The following ARRDC5 variants were observed in gnomAD, a reference collection of about 807,000 sequenced individuals.
The protein encoded by ARRDC5 is arrestin domain containing 5.
In ARRDC5, 12 loss-of-function variants were observed where a neutral mutation model predicts 13.3. That is an observed-to-expected ratio of 0.90 (90% CI 0.58 to 1.46). The LOEUF (loss-of-function observed/expected upper bound fraction) is 1.46, where lower values mean the gene tolerates loss of function less well. Among genes scored for constraint, ARRDC5 ranks in the 40% most tolerant of loss-of-function variants. The pLI is 0.00. For missense variants in ARRDC5, 406 were observed against 418.7 expected, an observed-to-expected ratio of 0.97 and a Z score of 0.26; for synonymous variants, 181 against 173.4, an observed-to-expected ratio of 1.04 and a Z score of -0.34.
intron 2 of ARRDC5, among the ~76,000 whole-genome samples, chr19:4,893,512 A>AAAAG (rs1475062553): frequency 6.6e-6 from 1 of 150,738 alleles, no homozygotes; most frequent in Non-Finnish European, 1.5e-5. Context: ...TCTCAAAAAA[A>AAAAG]AAAAGAAAAG....
upstream of ARRDC5, among the ~76,000 whole-genome samples, chr19:4,907,368 C>T (rs2032085689): frequency 6.6e-6 from 1 of 152,160 alleles, no homozygotes; most frequent in Non-Finnish European, 1.5e-5. Flanking sequence ...TTCCCAGGTT[C>T]AAGCAATTCT....
chr19:4,901,698 G>A (rs2031921220), intron 1 of ARRDC5, among the ~76,000 whole-genome samples: 1 of 152,094 alleles, frequency 6.6e-6, no homozygotes, highest in African/African-American at 2.4e-5. Flanking sequence ...TCAGCCAAGT[G>A]TTGGCCACGT....
chr19:4,907,879 A>T (rs2032101063), upstream of ARRDC5, among the ~76,000 whole-genome samples: 2 of 151,432 alleles, frequency 1.3e-5, 1 homozygote, highest in South Asian at 4.2e-4. Context: ...CGCCAGGCTA[A>T]TTTTGTGTTT....
intron 1 of ARRDC5, among the ~76,000 whole-genome samples, chr19:4,897,557 G>T (rs2031776609): frequency 6.6e-6 from 1 of 151,922 alleles, no homozygotes; most frequent in Admixed American, 6.6e-5. Context: ...TGGCTCTGTT[G>T]CTTAGGCTGC....
At chr19:4,910,950 T>C in the ARRDC5 span, 1 of 1,613,674 alleles carries the variant, frequency 6.2e-7, no homozygotes, top group Non-Finnish European at 8.5e-7. Context: ...CTGTCCAGGC[T>C]GACCAAGGTG....
the ARRDC5 span, among the ~76,000 whole-genome samples, chr19:4,916,648 C>T: frequency 2.6e-5 from 4 of 152,046 alleles, no homozygotes; most frequent in East Asian, 5.8e-4. Context: ...ACGCCACCGC[C>T]GCCCCCTCTT....
At chr19:4,897,591 A>G (rs1165821635) in intron 1 of ARRDC5, among the ~76,000 whole-genome samples, 2 of 152,040 alleles carry the variant, frequency 1.3e-5, no homozygotes, top group East Asian at 1.9e-4. Flanking sequence ...GATCATGGTC[A>G]CTGCAGCCTC....
the ARRDC5 span, among the ~76,000 whole-genome samples, chr19:4,916,133 C>A: frequency 1.7e-3 from 261 of 152,132 alleles, 3 homozygotes; most frequent in African/African-American, 6.0e-3. Context: ...TGTAGCAAGA[C>A]CCCGTCTCTA....
chr19:4,903,537 C>T (rs1256876154), upstream of ARRDC5: 2 of 152,072 alleles, frequency 1.3e-5, no homozygotes, highest in Non-Finnish European at 2.9e-5. Context: ...TGGTCTCACT[C>T]TGTCAGCCAG....
the ARRDC5 span, among the ~76,000 whole-genome samples, chr19:4,912,215 T>C: frequency 1.3e-5 from 2 of 152,168 alleles, no homozygotes; most frequent in African/African-American, 2.4e-5. Context: ...AAGCCGCGTG[T>C]GTGCAGAGAA....
the ARRDC5 span, chr19:4,909,425 G>A: frequency 3.1e-6 from 2 of 651,806 alleles, no homozygotes; most frequent in Non-Finnish European, 5.5e-6. Context: ...CCAATCAGGA[G>A]GCAGGCGCCC....
At chr19:4,907,508 T>C (rs558160018), upstream of ARRDC5, among the ~76,000 whole-genome samples, 34 of 152,062 alleles carry the variant, frequency 2.2e-4, no homozygotes, top group African/African-American at 8.2e-4. Flanking sequence ...GACCTCCAGT[T>C]ATCTGCCTGC....
At chr19:4,892,100 T>C (rs1026004711) in intron 2 of ARRDC5, among the ~76,000 whole-genome samples, 1 of 152,040 alleles carries the variant, frequency 6.6e-6, no homozygotes, top group Non-Finnish European at 1.5e-5. Flanking sequence ...TTTTTGTATT[T>C]TTTTGGAGAC....
At chr19:4,896,405 C>CACACACACATAT (rs539564532) in intron 2 of ARRDC5, among the ~76,000 whole-genome samples, 1 of 106,366 alleles carries the variant, frequency 9.4e-6, no homozygotes, top group African/African-American at 4.0e-5. Flanking sequence ...CACACACACA[C>CACACACACATAT]ATATATATAA....
At chr19:4,910,975 G>T in the ARRDC5 span, 1 of 1,613,206 alleles carries the variant, frequency 6.2e-7, no homozygotes, top group Non-Finnish European at 8.5e-7. Flanking sequence ...AGCTGAGGCG[G>T]AAGATCCAGG....
the ARRDC5 span, chr19:4,909,431 C>G: frequency 1.5e-6 from 1 of 651,300 alleles, no homozygotes. Flanking sequence ...AGGAGGCAGG[C>G]GCCCGCCCCC....
At chr19:4,915,324 T>G in the ARRDC5 span, among the ~76,000 whole-genome samples, 1 of 152,214 alleles carries the variant, frequency 6.6e-6, no homozygotes, top group Non-Finnish European at 1.5e-5. Flanking sequence ...GCGGCCTCTG[T>G]TAGGGTGACT....
intron 2 of ARRDC5, among the ~76,000 whole-genome samples, chr19:4,893,230 G>T (rs2031577546): frequency 7.1e-6 from 1 of 140,678 alleles, no homozygotes; most frequent in South Asian, 2.2e-4. Flanking sequence ...ATATAGCCAG[G>T]CGCAGTGGCT....
upstream of ARRDC5, chr19:4,903,029 C>CTTTTTCACTGGTTT (rs57469214): frequency 8.9e-6 from 4 of 448,156 alleles, no homozygotes; most frequent in South Asian, 2.4e-5. Flanking sequence ...CTCACTGGTT[C>CTTTTTCACTGGTTT]TTTTTTTTTT....
Sources: gnomAD v4.1 joint callset for allele counts (sites outside exome capture counted in the v4.1 genomes callset) on GRCh38, gnomAD v4.1.1 for gene constraint, MANE v1.5 for transcripts, NCBI Gene and HGNC (gene_info 2026-07-23, HGNC 2026-07-21) for gene names.